ITPRID1: variants seen among roughly 807,000 people sequenced by gnomAD.
ITPRID1 encodes the protein protein ITPRID1.
ITPRID1 carries 96 observed loss-of-function variants against 95.4 expected under a neutral mutation model. The observed-to-expected ratio is 1.01, with a 90% confidence interval of 0.85 to 1.19. ITPRID1 has a LOEUF of 1.19. Among genes scored for constraint, ITPRID1 ranks in the 50% most tolerant of loss-of-function variants. The pLI is 0.00. For missense variants in ITPRID1, 1,339 were observed against 1,252.9 expected, an observed-to-expected ratio of 1.07 and a Z score of -1.04; for synonymous variants, 510 against 453.6, an observed-to-expected ratio of 1.12 and a Z score of -1.58.
At chr7:31,610,997 TTA>T (rs1786842713) in intron 10 of ITPRID1, among the ~76,000 whole-genome samples, 2 of 151,734 alleles carry the variant, frequency 1.3e-5, no homozygotes, top group Non-Finnish European at 1.5e-5. Context: ...TGTCATTTCA[TTA>T]TATGTTTTAT....
intron 10 of ITPRID1, among the ~76,000 whole-genome samples, chr7:31,605,651 C>A (rs1182508636): frequency 6.6e-6 from 1 of 152,178 alleles, no homozygotes; most frequent in Non-Finnish European, 1.5e-5. Context: ...AAAAAGGAAA[C>A]TGGTGATAGA....
intron 1 of ITPRID1, chr7:31,529,529 T>A (rs1477490128): frequency 4.6e-5 from 21 of 455,418 alleles, no homozygotes; most frequent in Non-Finnish European, 7.8e-5. Context: ...CCTAATGACA[T>A]TTTTACCACT....
intron 12 of ITPRID1, among the ~76,000 whole-genome samples, chr7:31,647,116 G>C (rs1403000012): frequency 6.6e-6 from 1 of 152,224 alleles, no homozygotes; most frequent in Non-Finnish European, 1.5e-5. Context: ...GTGGAAATAA[G>C]AGATTGCATT....
chr7:31,542,202 A>G (rs905025665), intron 1 of ITPRID1, among the ~76,000 whole-genome samples: 3 of 152,192 alleles, frequency 2.0e-5, no homozygotes, highest in Non-Finnish European at 4.4e-5. Flanking sequence ...TGTACTAGTT[A>G]TAGAGCCTAG....
chr7:31,639,533 T>TA (rs1481468407), intron 10 of ITPRID1, among the ~76,000 whole-genome samples: 1 of 19,172 alleles, frequency 5.2e-5, no homozygotes, highest in Non-Finnish European at 7.8e-5. Context: ...TGTTTGTTTG[T>TA]TTTTGTTTTT....
intron 5 of ITPRID1, among the ~76,000 whole-genome samples, chr7:31,563,639 C>T (rs1337399451): frequency 1.3e-5 from 2 of 152,142 alleles, no homozygotes; most frequent in African/African-American, 4.8e-5. Flanking sequence ...GAGTCCTGAA[C>T]TCACTGTAGT....
Position 31,651,124 on chromosome 7 carries a change from CTT to C in ITPRID1, c.2584-16_2584-15del, listed in dbSNP as rs1245256411. Reference sequence around the variant, plus strand: ...ATCAGAGAGGACTTTCTTCTCAGTTCTTTCTCATTGTTCTCAGTGCACAGTCC... The same window carrying C: ...ATCAGAGAGGACTTTCTTCTCAGTTCTCTCATTGTTCTCAGTGCACAGTCC... On this transcript the variant is annotated splice_polypyrimidine_tract_variant and intron_variant, in intron 12 of 14. Transcript: ENST00000615280. 8 of 1,608,084 alleles carry C rather than the reference CTT, an allele frequency of 5.0e-6. No homozygotes were observed. The highest frequency in any genetic ancestry group is 1.3e-5 in the African/African-American group (1 of 74,706).
intron 3 of ITPRID1, 110 bp from the exon 4 acceptor site, chr7:31,554,363 CAT>C: frequency 1.4e-6 from 2 of 1,448,002 alleles, no homozygotes; most frequent in Non-Finnish European, 1.8e-6. Context: ...TGGAAGGAAA[CAT>C]GTGACTAAAT....
intron 1 of ITPRID1, among the ~76,000 whole-genome samples, chr7:31,521,389 T>C (rs942868776): frequency 1.3e-5 from 2 of 152,204 alleles, no homozygotes; most frequent in Non-Finnish European, 2.9e-5. Flanking sequence ...TATTTTTCAA[T>C]TATTGGTTTT....
chr7:31,582,120 A>G (rs1785426000), intron 9 of ITPRID1, among the ~76,000 whole-genome samples: 1 of 152,232 alleles, frequency 6.6e-6, no homozygotes, highest in Admixed American at 6.5e-5. Context: ...CATGTAGAAC[A>G]GATTTATGAA....
At chr7:31,521,678 CCTTCCTT>C (rs1438200402) in intron 1 of ITPRID1, among the ~76,000 whole-genome samples, 3 of 131,996 alleles carry the variant, frequency 2.3e-5, no homozygotes, top group Non-Finnish European at 3.2e-5. Context: ...TTCCTTCCTT[CCTTCCTT>C]CCTCCTTTAT....
rs141383131 is a variant in ITPRID1 at position 31,569,482 on chromosome 7, A to G, written c.257-276A>G. Among the ~76,000 whole-genome samples the G allele has an allele frequency of 8.0e-4, 122 of 152,302 alleles. 1 individual carries two copies. Among genetic ancestry groups the G allele is most frequent in the Admixed American group, 1.7e-3 (26 of 15,284 alleles). On this transcript the variant is annotated intron_variant, in intron 5 of 14. Coordinates refer to ENST00000615280, the MANE Select transcript of ITPRID1 (RefSeq NM_001257967.3). ...CAAATTCTCCCATTCTTAAAAATCC[A>G]AGACAAGTACCACTTCCTCCATGAA...
chr7:31,568,721 A>G (rs1784883718), intron 5 of ITPRID1, among the ~76,000 whole-genome samples: 1 of 152,214 alleles, frequency 6.6e-6, no homozygotes, highest in Non-Finnish European at 1.5e-5. Context: ...TATCAGGCAA[A>G]TGAACATTCA....
chr7:31,650,646 G>T (rs1482264224), intron 12 of ITPRID1, among the ~76,000 whole-genome samples: 2 of 152,176 alleles, frequency 1.3e-5, no homozygotes, highest in Non-Finnish European at 2.9e-5. Context: ...CTCCAGGACT[G>T]TGACTAAGCA....
intron 13 of ITPRID1, 45 bp downstream of exon 13, chr7:31,651,314 C>T (rs1790929484): frequency 1.9e-6 from 3 of 1,596,728 alleles, no homozygotes; most frequent in East Asian, 2.2e-5. Flanking sequence ...AGCCCACACA[C>T]CTGGAGCAAG....
At chr7:31,651,834 C>T (rs1451572619) in intron 13 of ITPRID1, 105 bp from the exon 14 acceptor site, 1 of 708,184 alleles carries the variant, frequency 1.4e-6, no homozygotes, top group Non-Finnish European at 2.4e-6. Flanking sequence ...ATGACATTCT[C>T]TTTTAAGAAA....
chr7:31,635,691 A>C (rs1317766799), intron 10 of ITPRID1, among the ~76,000 whole-genome samples: 1 of 152,094 alleles, frequency 6.6e-6, no homozygotes, highest in Non-Finnish European at 1.5e-5. Flanking sequence ...GAAATACCCA[A>C]GACTGGGTAA....
chr7:31,641,038 G>C (rs724898), intron 10 of ITPRID1, among the ~76,000 whole-genome samples: 109,014 of 151,968 alleles, frequency 0.72, 39,782 homozygotes, highest in East Asian at 0.83. Context: ...GGGTTGGCCA[G>C]CTCTGAGACT....
chr7:31,552,881 A>G, intron 2 of ITPRID1, 121 bp from the exon 3 acceptor site: 1 of 1,020,976 alleles, frequency 9.8e-7, no homozygotes, highest in Non-Finnish European at 1.4e-6. Flanking sequence ...TTCATGTATG[A>G]CTGTGAAGCT....
Sources: allele counts gnomAD v4.1 joint callset (sites outside exome capture counted in the v4.1 genomes callset), GRCh38; gene constraint gnomAD v4.1.1; transcripts MANE v1.5; gene names NCBI Gene and HGNC (gene_info 2026-07-23, HGNC 2026-07-21).